The following COL21A1 variants were observed in gnomAD, a reference collection of about 807,000 sequenced individuals.
The protein encoded by COL21A1 is collagen alpha-1(XXI) chain.
A neutral mutation model predicts 137.9 loss-of-function variants in COL21A1; 149 were observed. That is an observed-to-expected ratio of 1.08 (90% CI 0.95 to 1.24). The LOEUF is 1.24. COL21A1 is among the 50% of genes most tolerant of loss of function. The pLI is 0.00. For missense variants in COL21A1, 1,167 were observed against 1,158.4 expected, an observed-to-expected ratio of 1.01 and a Z score of -0.11; for synonymous variants, 456 against 391.5, an observed-to-expected ratio of 1.16 and a Z score of -1.95.
intron 1 of COL21A1, among the ~76,000 whole-genome samples, chr6:56,327,379 A>G (rs1393614267): frequency 3.3e-5 from 5 of 152,004 alleles, no homozygotes. Context: ...ATTCATTTAA[A>G]CAAAAGTAAA....
intron 3 of COL21A1, among the ~76,000 whole-genome samples, chr6:56,171,566 C>A (rs974778866): frequency 6.6e-6 from 1 of 151,752 alleles, no homozygotes; most frequent in Admixed American, 6.6e-5. Flanking sequence ...CAAAAATGAA[C>A]ACTAAAATTC....
chr6:56,318,998 G>A (rs947832185), intron 1 of COL21A1, among the ~76,000 whole-genome samples: 6 of 151,656 alleles, frequency 4.0e-5, no homozygotes, highest in African/African-American at 1.5e-4. Context: ...AACTGCTCTT[G>A]CCATGGTAAC....
At chr6:56,171,982 A>T (rs1777096740) in intron 3 of COL21A1, among the ~76,000 whole-genome samples, 1 of 151,894 alleles carries the variant, frequency 6.6e-6, no homozygotes, top group African/African-American at 2.4e-5. Flanking sequence ...AGAAACAAAA[A>T]GAAAAAGGAA....
Position 56,143,198 on chromosome 6 carries a change from TC to T in COL21A1, c.1435-1216del, listed in dbSNP as rs377229620. Reference sequence around the variant, plus strand: ...TGAATGACAATGACTATACAATTTTTCTTTTTTTTTTTTTTTTTTTGAGACA... The same window carrying T: ...TGAATGACAATGACTATACAATTTTTTTTTTTTTTTTTTTTTTTTGAGACA... On this transcript the variant is annotated intron_variant, in intron 10 of 29. Coordinates refer to ENST00000244728, the MANE Select transcript of COL21A1 (RefSeq NM_030820.4). Among the ~76,000 whole-genome samples, 443 of 148,284 alleles carry T rather than the reference TC, an allele frequency of 3.0e-3. 4 individuals are homozygous for T. Among genetic ancestry groups the T allele is most frequent in the African/African-American group, 0.01 (413 of 39,778 alleles).
chr6:56,332,399 T>G (rs184738166), intron 1 of COL21A1, among the ~76,000 whole-genome samples: 1 of 152,010 alleles, frequency 6.6e-6, no homozygotes, highest in Non-Finnish European at 1.5e-5. Context: ...TAATGTGATA[T>G]AGCCAGAAGA....
intron 1 of COL21A1, among the ~76,000 whole-genome samples, chr6:56,393,415 ACT>A (rs1414208593): frequency 1.3e-5 from 2 of 152,152 alleles, no homozygotes; most frequent in African/African-American, 4.8e-5. Context: ...AATTGGGGAA[ACT>A]CTCCAGAATA....
chr6:56,104,151 T>C (rs1179212217), intron 16 of COL21A1, among the ~76,000 whole-genome samples: 1 of 152,166 alleles, frequency 6.6e-6, no homozygotes, highest in Non-Finnish European at 1.5e-5. Context: ...TATAGGAGTT[T>C]TTTTAATCAC....
chr6:56,358,912 G>A (rs932808002), intron 1 of COL21A1, among the ~76,000 whole-genome samples: 1 of 151,994 alleles, frequency 6.6e-6, no homozygotes, highest in Non-Finnish European at 1.5e-5. Context: ...ATAATGTGGT[G>A]TATTTTCCCT....
intron 1 of COL21A1, among the ~76,000 whole-genome samples, chr6:56,194,295 A>G (rs1343900436): frequency 1.3e-5 from 2 of 152,220 alleles, no homozygotes; most frequent in Non-Finnish European, 2.9e-5. Flanking sequence ...TCATATTATT[A>G]CCATGTTATT....
At chr6:56,069,474 T>G (rs1486621028) in intron 21 of COL21A1, among the ~76,000 whole-genome samples, 1 of 151,052 alleles carries the variant, frequency 6.6e-6, no homozygotes, top group East Asian at 1.9e-4. Flanking sequence ...ACACTTATTC[T>G]CCTTGAAACT....
intron 1 of COL21A1, among the ~76,000 whole-genome samples, chr6:56,208,579 G>A (rs562778305): frequency 1.4e-4 from 21 of 152,154 alleles, no homozygotes; most frequent in Non-Finnish European, 2.6e-4. Flanking sequence ...AATCAATATC[G>A]TGAAAATGAC....
In COL21A1 at chr6:56,214,997, T is replaced by A. The variant is rs559081872; in HGVS notation, c.-38-32341A>T. Among the ~76,000 whole-genome samples, 5 of 152,216 alleles carry A rather than the reference T, an allele frequency of 3.3e-5. No homozygotes were observed. In the East Asian group the frequency reaches 9.7e-4, roughly 29 times the overall value. ...GTCCAGTCACATAACCTTGGTCAGC[T>A]CTTCATCACATCCAGTAACTATCTC... On this transcript the variant is annotated intron_variant, in intron 1 of 29. Transcript: ENST00000244728.
At chr6:56,367,056 TAC>T (rs1766117303) in intron 1 of COL21A1, among the ~76,000 whole-genome samples, 1 of 152,236 alleles carries the variant, frequency 6.6e-6, no homozygotes, top group South Asian at 2.1e-4. Context: ...TCTGTGATCT[TAC>T]AAATAAATAC....
intron 1 of COL21A1, among the ~76,000 whole-genome samples, chr6:56,303,381 T>C (rs1450361958): frequency 6.6e-6 from 1 of 151,528 alleles, no homozygotes; most frequent in East Asian, 1.9e-4. Flanking sequence ...TGTTCTTGCA[T>C]TTGTTTGTAT....
intron 3 of COL21A1, among the ~76,000 whole-genome samples, chr6:56,175,246 C>A (rs559053376): frequency 1.1e-4 from 16 of 152,146 alleles, no homozygotes; most frequent in Admixed American, 1.0e-3. Flanking sequence ...GACAAAGATA[C>A]CTAATTTCAC....
At chr6:56,281,190 G>C (rs1289409443) in intron 1 of COL21A1, among the ~76,000 whole-genome samples, 1 of 152,002 alleles carries the variant, frequency 6.6e-6, no homozygotes, top group Non-Finnish European at 1.5e-5. Context: ...ATCAGAAACA[G>C]GACCACAGCC....
chr6:56,135,003 A>G (rs1220949802), intron 12 of COL21A1, among the ~76,000 whole-genome samples: 1 of 152,200 alleles, frequency 6.6e-6, no homozygotes, highest in African/African-American at 2.4e-5. Flanking sequence ...ACTTTACTCC[A>G]AAAACCAAAA....
At chr6:56,226,112 T>G (rs1298567937) in intron 1 of COL21A1, among the ~76,000 whole-genome samples, 1 of 152,102 alleles carries the variant, frequency 6.6e-6, no homozygotes, top group Non-Finnish European at 1.5e-5. Flanking sequence ...TCTTGACTTT[T>G]TCTTTTCAAA....
rs1416821424 is a variant in COL21A1 at position 56,068,981 on chromosome 6, C to G, written c.2091+65G>C. On this transcript the variant is annotated intron_variant, in intron 22 of 29. Coordinates refer to ENST00000244728, the MANE Select transcript of COL21A1 (RefSeq NM_030820.4). ...AACAAGTCCTACTTTAAGAATTTCA[C>G]AAAAGAAAAACTTGTTTGCAAGTAA... 4 of 1,096,160 alleles carry G rather than the reference C, an allele frequency of 3.6e-6. No individual in the cohort carries two copies. The Admixed American group carries it at 6.9e-5, about 19-fold the overall frequency. The allele number at this position is 1,096,160 out of a possible 1,614,324, so 67.9% of individuals were successfully genotyped here.
Sources: allele counts gnomAD v4.1 joint callset (sites outside exome capture counted in the v4.1 genomes callset), GRCh38; gene constraint gnomAD v4.1.1; transcripts MANE v1.5; gene names NCBI Gene and HGNC (gene_info 2026-07-23, HGNC 2026-07-21).